Variants in MAGI1 observed in about 807,000 individuals in gnomAD.
The protein encoded by MAGI1 is membrane-associated guanylate kinase, WW and PDZ domain-containing protein 1.
A neutral mutation model predicts 139.9 loss-of-function variants in MAGI1; 58 were observed. The ratio of observed to expected loss-of-function variants is 0.41; its 90% CI spans 0.34 to 0.52. MAGI1 has a LOEUF of 0.52. Ranked by LOEUF, MAGI1 falls within the 20% of genes least tolerant of loss-of-function variation. The probability of loss-of-function intolerance (pLI) is 0.12; values close to 1 mark genes in which losing one functional copy is unlikely to be tolerated. For synonymous variants in MAGI1, 812 were observed against 737.9 expected (o/e 1.10, Z -1.63); for missense variants, 1,874 against 1,901.6 (o/e 0.99, Z 0.27).
In MAGI1 at chr3:65,548,509, C is replaced by CTT. The variant is rs1306099660; in HGVS notation, c.431-54879_431-54878insAA. 2.4e-3 allele frequency among the ~76,000 whole-genome samples: 281 copies of CTT among 117,370 alleles called. 25 individuals are homozygous for CTT. The highest frequency in any genetic ancestry group is 5.5e-3 in the South Asian group (18 of 3,266). The allele number at this position is 117,370 out of a possible 152,430, so 77.0% of individuals were successfully genotyped here. ...TGAGCCCAGCTTTATGCAAACAACA[C>CTT]TCTTTTTTTTTTTTTTTTTTTTTTT... On this transcript the variant is annotated intron_variant, in intron 2 of 22. Transcript: ENST00000402939.
At chr3:65,978,472 T>C (rs2065374854) in intron 1 of MAGI1, among the ~76,000 whole-genome samples, 1 of 152,140 alleles carries the variant, frequency 6.6e-6, no homozygotes, top group East Asian at 1.9e-4. Flanking sequence ...GACTGTCTCC[T>C]AGCCTAGGTG....
At chr3:65,952,922 A>G (rs370725935) in intron 1 of MAGI1, among the ~76,000 whole-genome samples, 3 of 151,946 alleles carry the variant, frequency 2.0e-5, no homozygotes, top group East Asian at 3.8e-4. Flanking sequence ...CTTTCATAAC[A>G]CTTACCATGT....
chr3:65,553,077 T>C (rs2079923707), intron 2 of MAGI1, among the ~76,000 whole-genome samples: 1 of 152,076 alleles, frequency 6.6e-6, no homozygotes, highest in Non-Finnish European at 1.5e-5. Flanking sequence ...GAAAAAAAGA[T>C]GCCTTAATTA....
intron 1 of MAGI1, among the ~76,000 whole-genome samples, chr3:65,638,652 C>T (rs971549133): frequency 7.6e-6 from 1 of 131,362 alleles, no homozygotes; most frequent in African/African-American, 2.9e-5. Flanking sequence ...CTCTTTCACC[C>T]AGGCTGGAGT....
At chr3:65,991,026 CACCT>C (rs1006841170) in intron 1 of MAGI1, among the ~76,000 whole-genome samples, 2 of 151,982 alleles carry the variant, frequency 1.3e-5, no homozygotes, top group Admixed American at 6.6e-5. Context: ...CGGTGGCTCA[CACCT>C]GTAATCCCAG....
intron 1 of MAGI1, among the ~76,000 whole-genome samples, chr3:65,753,012 G>T (rs1339113287): frequency 6.6e-6 from 1 of 152,094 alleles, no homozygotes; most frequent in East Asian, 1.9e-4. Flanking sequence ...TATTACAGCA[G>T]TCCTCAGTAA....
intron 1 of MAGI1, among the ~76,000 whole-genome samples, chr3:66,010,232 C>T (rs1341467375): frequency 6.6e-6 from 1 of 152,038 alleles, no homozygotes; most frequent in Non-Finnish European, 1.5e-5. Flanking sequence ...ATGGGTGCTG[C>T]TATTAACTCC....
intron 4 of MAGI1, among the ~76,000 whole-genome samples, chr3:65,476,032 C>T (rs993413587): frequency 2.3e-4 from 35 of 151,706 alleles, no homozygotes; most frequent in African/African-American, 7.3e-4. Context: ...AAGCAGAAGC[C>T]GACACCTCAT....
intron 1 of MAGI1, among the ~76,000 whole-genome samples, chr3:65,670,232 C>A (rs2086771099): frequency 6.6e-6 from 1 of 151,894 alleles, no homozygotes; most frequent in African/African-American, 2.4e-5. Flanking sequence ...CATTGAAATC[C>A]ATGTATAGTT....
intron 9 of MAGI1, 120 bp from the exon 10 acceptor site, chr3:65,437,367 A>T (rs1204247966): frequency 3.9e-6 from 2 of 515,018 alleles, no homozygotes; most frequent in African/African-American, 2.0e-5. Flanking sequence ...AGCTTAGATT[A>T]AAAAGAAGTT....
At chr3:65,359,383 G>GC in intron 22 of MAGI1, 2 of 1,312,174 alleles carry the variant, frequency 1.5e-6, no homozygotes, top group Admixed American at 6.3e-5. Flanking sequence ...CAGCCATAAG[G>GC]TGACTCGAGA....
intron 14 of MAGI1, among the ~76,000 whole-genome samples, chr3:65,390,577 C>T (rs1943842436): frequency 6.6e-6 from 1 of 152,150 alleles, no homozygotes; most frequent in African/African-American, 2.4e-5. Flanking sequence ...AGTATACTAT[C>T]ACTGGCTCAT....
chr3:65,629,070 G>A (rs2084139166), intron 1 of MAGI1, among the ~76,000 whole-genome samples: 1 of 152,026 alleles, frequency 6.6e-6, no homozygotes, highest in Admixed American at 6.6e-5. Context: ...GTTGTGTCGT[G>A]TCTCTTTTTC....
At chr3:65,785,352 G>A (rs943676321) in intron 1 of MAGI1, among the ~76,000 whole-genome samples, 5 of 152,068 alleles carry the variant, frequency 3.3e-5, no homozygotes, top group African/African-American at 7.2e-5. Flanking sequence ...TTTCTTGGAC[G>A]GAATGAGGTA....
chr3:65,687,837 A>G (rs1310647704), intron 1 of MAGI1: 1 of 609,340 alleles, frequency 1.6e-6, no homozygotes, highest in Non-Finnish European at 3.2e-6. Context: ...TGTCATTACA[A>G]CAGTGCCACC....
intron 3 of MAGI1, among the ~76,000 whole-genome samples, chr3:65,487,334 G>A (rs1052874601): frequency 2.0e-5 from 3 of 152,182 alleles, no homozygotes; most frequent in African/African-American, 7.2e-5. Context: ...TAAAGACAGT[G>A]ACCACAACCA....
At chr3:65,639,270 T>C (rs1314821259) in intron 1 of MAGI1, among the ~76,000 whole-genome samples, 1 of 152,236 alleles carries the variant, frequency 6.6e-6, no homozygotes, top group Non-Finnish European at 1.5e-5. Context: ...TGGTTACCAA[T>C]TCATTTTCTT....
At position 65,356,719 on chromosome 3, in the gene MAGI1, A is replaced by G; in HGVS notation, c.4048T>C (p.Ser1350Pro). 1.3e-6 allele frequency: 2 copies of G among 1,592,642 alleles called. No individual in the cohort carries two copies. Among genetic ancestry groups the G allele is most frequent in the Non-Finnish European group, 1.7e-6 (2 of 1,170,272 alleles). Residue 1350 changes from serine to proline, a missense_variant, in exon 23 of 23, where the codon TCT becomes CCT. By Grantham distance (74) the Ser-to-Pro change is moderately conservative. Transcript: ENST00000402939. ...GACCGCTCTCGCCTCCGCTCCGGAG[A>G]GACGTCTCGTCTCTTCTCGTGCTTC... ...REKHEKRRDV[S>P]PERRRERSPT...
intron 12 of MAGI1, among the ~76,000 whole-genome samples, chr3:65,415,091 T>G (rs1056589046): frequency 1.3e-5 from 2 of 151,772 alleles, no homozygotes; most frequent in African/African-American, 4.8e-5. Context: ...TGGAAAATCT[T>G]CACTTCATGA....
Sources: gnomAD v4.1 joint callset for allele counts (sites outside exome capture counted in the v4.1 genomes callset) on GRCh38, gnomAD v4.1.1 for gene constraint, MANE v1.5 for transcripts, NCBI Gene and HGNC (gene_info 2026-07-23, HGNC 2026-07-21) for gene names.